Variants in GPRC6A observed in about 807,000 individuals in gnomAD.
The protein encoded by GPRC6A is G protein-coupled receptor family C group 6 member A.
GPRC6A carries 54 observed loss-of-function variants against 47.0 expected under a neutral mutation model. The observed-to-expected ratio is 1.15, with a 90% confidence interval of 0.92 to 1.44. The LOEUF (loss-of-function observed/expected upper bound fraction) is 1.44. Ranked by LOEUF, GPRC6A falls within the 40% of genes most tolerant of loss-of-function variation. The pLI, the probability that GPRC6A is intolerant of heterozygous loss-of-function variation, is 0.00. For missense variants in GPRC6A, 1,112 were observed against 1,105.5 expected (o/e 1.01, Z -0.08); for synonymous variants, 347 against 377.1 (o/e 0.92, Z 0.93).
Position 116,800,658 on chromosome 6 carries a change from C to T in GPRC6A, c.1474G>A (p.Ala492Thr), listed in dbSNP as rs1012913002. The T allele has an allele frequency of 6.2e-7, 1 of 1,613,048 alleles. No individual in the cohort carries two copies. Among genetic ancestry groups the T allele is most frequent in the African/African-American group, 1.3e-5 (1 of 74,864 alleles). Residue 492 changes from alanine (A) to threonine (T), a missense_variant, in exon 4 of 6, where the codon GCA becomes ACA. Physicochemically the swap from Ala to Thr is moderately conservative, Grantham distance 58 (BLOSUM62 0). Transcript: ENST00000310357. ...INGHMTVTKM[A>T]EYDLQNDVFI... ...ACATCATTCTGTAGGTCATATTCTGCCATCTTAGTGACAGTCATGTGTCCA... is the reference window on the plus strand; with the variant it reads ...ACATCATTCTGTAGGTCATATTCTGTCATCTTAGTGACAGTCATGTGTCCA...
chr6:116,816,436 CA>C (rs1773208533), intron 1 of GPRC6A, among the ~76,000 whole-genome samples: 1 of 152,202 alleles, frequency 6.6e-6, no homozygotes. Context: ...GTCTGACACC[CA>C]GGGGATGCTG....
chr6:116,823,039 T>C (rs1364318736), intron 1 of GPRC6A, among the ~76,000 whole-genome samples: 5 of 152,078 alleles, frequency 3.3e-5, no homozygotes, highest in Admixed American at 3.3e-4. Context: ...AACTTCTCTT[T>C]ATTTAATGCA....
chr6:116,806,152 T>C (rs762823763), intron 3 of GPRC6A, among the ~76,000 whole-genome samples: 3 of 152,098 alleles, frequency 2.0e-5, no homozygotes, highest in African/African-American at 7.2e-5. Context: ...AATACAACTT[T>C]GGTAGGTCAG....
At chr6:116,816,561 G>A (rs965522962) in intron 1 of GPRC6A, among the ~76,000 whole-genome samples, 8 of 151,852 alleles carry the variant, frequency 5.3e-5, no homozygotes, top group East Asian at 3.9e-4. Context: ...GAACAGCTCC[G>A]GTCTACAGCT....
chr6:116,798,311 A>G (rs909611438), intron 4 of GPRC6A, among the ~76,000 whole-genome samples: 1 of 152,214 alleles, frequency 6.6e-6, no homozygotes, highest in African/African-American at 2.4e-5. Flanking sequence ...AATTAACCAC[A>G]TGAACATCAG....
intron 4 of GPRC6A, among the ~76,000 whole-genome samples, chr6:116,796,158 C>T (rs901533080): frequency 6.6e-6 from 1 of 151,914 alleles, no homozygotes; most frequent in African/African-American, 2.4e-5. Context: ...TGGAAAGTTT[C>T]AATCCCATGT....
chr6:116,802,649 A>G (rs1772711614), intron 3 of GPRC6A, among the ~76,000 whole-genome samples: 1 of 152,148 alleles, frequency 6.6e-6, no homozygotes, highest in Non-Finnish European at 1.5e-5. Context: ...TGATGCCCAG[A>G]CGATACCTTC....
rs1177825881 is a variant in GPRC6A, at chr6:116,806,894, C to A, written c.811G>T (p.Val271Phe). 1.9e-6 allele frequency: 3 copies of A among 1,613,662 alleles called. No individual in the cohort carries two copies. The highest frequency in any genetic ancestry group is 2.5e-6 in the Non-Finnish European group (3 of 1,179,782). ...TLKKIILEAQ[V>F]NVIVVFLRQF... ...CTCAGAAATACCACAATGACATTAA[C>A]CTGGGCTTCTAAAATGATTTTCTTC... The change falls in exon 3 of 6, where the codon GTT becomes TTT. Residue 271 changes from valine to phenylalanine, a missense_variant. Physicochemically the swap from Val to Phe is conservative, Grantham distance 50 (BLOSUM62 -1). Transcript: ENST00000310357.
chr6:116,792,662 G>A lies in GPRC6A; in HGVS notation c.2261C>T (p.Thr754Ile). Residue 754 changes from threonine to isoleucine, a missense_variant, in exon 6 of 6, where the codon ACC (threonine) becomes ATC (isoleucine). By Grantham distance (89) the Thr-to-Ile change is moderately conservative (BLOSUM62 -1). Coordinates refer to ENST00000310357, the MANE Select transcript of GPRC6A (RefSeq NM_148963.4). The stretch of plus-strand genomic sequence containing the variant: ...CAGGATGGCAATGTAGCCCAGCATG[G>A]TGCCAAATGCAAGTATGGATCCCTC... ...CEEGSILAFG[T>I]MLGYIAILAF... 6.2e-7 allele frequency: 1 copy of A among 1,613,536 alleles called. No individual in the cohort carries two copies. The highest frequency in any genetic ancestry group is 8.5e-7 in the Non-Finnish European group (1 of 1,179,636).
At chr6:116,823,597 C>T (rs1773579644) in intron 1 of GPRC6A, among the ~76,000 whole-genome samples, 1 of 152,120 alleles carries the variant, frequency 6.6e-6, no homozygotes, top group Non-Finnish European at 1.5e-5. Flanking sequence ...GAGCTGCTTC[C>T]ACATTTTCAG....
At chr6:116,810,841 T>C (rs889792895) in intron 1 of GPRC6A, among the ~76,000 whole-genome samples, 3 of 152,058 alleles carry the variant, frequency 2.0e-5, no homozygotes, top group African/African-American at 7.2e-5. Context: ...CAACCAACAT[T>C]AGCCAGCACC....
intron 1 of GPRC6A, among the ~76,000 whole-genome samples, chr6:116,816,842 G>A (rs569673284): frequency 1.3e-5 from 2 of 152,296 alleles, no homozygotes; most frequent in South Asian, 2.1e-4. Flanking sequence ...CTTAAAAAAC[G>A]GCGCACTACG....
intron 1 of GPRC6A, among the ~76,000 whole-genome samples, chr6:116,817,087 C>T (rs565117380): frequency 1.2e-3 from 182 of 152,238 alleles, no homozygotes; most frequent in African/African-American, 4.3e-3. Flanking sequence ...GGGGGCAGGG[C>T]ACAGACAAAC....
intron 4 of GPRC6A, among the ~76,000 whole-genome samples, chr6:116,798,092 C>A (rs372598894): frequency 6.6e-6 from 1 of 152,122 alleles, no homozygotes. Flanking sequence ...ATATTTAGCT[C>A]GTCGAACTTA....
At chr6:116,816,599 T>A (rs945876143) in intron 1 of GPRC6A, among the ~76,000 whole-genome samples, 12 of 151,986 alleles carry the variant, frequency 7.9e-5, no homozygotes, top group Non-Finnish European at 1.5e-4. Flanking sequence ...AGAAGACGGG[T>A]GATTTCTGCA....
intron 1 of GPRC6A, among the ~76,000 whole-genome samples, chr6:116,810,186 T>G (rs1772980891): frequency 6.6e-6 from 1 of 152,186 alleles, no homozygotes; most frequent in African/African-American, 2.4e-5. Context: ...GTTGTCTGAT[T>G]ACAGATTTAC....
intron 1 of GPRC6A, among the ~76,000 whole-genome samples, chr6:116,821,350 A>G (rs1773468669): frequency 6.6e-6 from 1 of 152,116 alleles, no homozygotes; most frequent in Admixed American, 6.5e-5. Context: ...ACAGAATTGC[A>G]AAAAACTACT....
intron 1 of GPRC6A, among the ~76,000 whole-genome samples, chr6:116,822,739 T>C (rs1335789564): frequency 6.9e-6 from 1 of 145,192 alleles, no homozygotes; most frequent in Non-Finnish European, 1.5e-5. Flanking sequence ...AGGGATAGCA[T>C]TGGGAGATAT....
intron 4 of GPRC6A, among the ~76,000 whole-genome samples, chr6:116,796,990 G>A (rs1404850428): frequency 2.6e-5 from 4 of 152,008 alleles, no homozygotes; most frequent in South Asian, 4.2e-4. Context: ...CCACTAACTC[G>A]TCATCTAGCA....
Sources: allele counts gnomAD v4.1 joint callset (sites outside exome capture counted in the v4.1 genomes callset), GRCh38; gene constraint gnomAD v4.1.1; transcripts MANE v1.5; gene names NCBI Gene and HGNC (gene_info 2026-07-23, HGNC 2026-07-21).